The following SEMA6A variants were observed in gnomAD, a reference collection of about 807,000 sequenced individuals.
The protein encoded by SEMA6A is semaphorin 6A.
SEMA6A carries 25 observed loss-of-function variants against 96.8 expected under a neutral mutation model. The observed-to-expected ratio is 0.26, with a 90% CI of 0.19 to 0.36. SEMA6A has a LOEUF of 0.36. Ranked by LOEUF, SEMA6A falls within the 10% of genes least tolerant of loss-of-function variation. The probability of loss-of-function intolerance (pLI) is 1.00; values close to 1 mark genes in which losing one functional copy is unlikely to be tolerated. For synonymous variants in SEMA6A, 612 were observed against 518.0 expected, an observed-to-expected ratio of 1.18 and a Z score of -2.46; for missense variants, 1,363 against 1,323.1, an observed-to-expected ratio of 1.03 and a Z score of -0.47.
intron 18 of SEMA6A, among the ~76,000 whole-genome samples, chr5:116,450,523 A>C (rs1443497735): frequency 1.3e-5 from 2 of 152,182 alleles, no homozygotes; most frequent in African/African-American, 4.8e-5. Context: ...TTAGCTCCCA[A>C]ATATCATTCT....
chr5:116,533,637 G>T, intron 1 of SEMA6A, among the ~76,000 whole-genome samples: 1 of 152,186 alleles, frequency 6.6e-6, no homozygotes, highest in Non-Finnish European at 1.5e-5. Context: ...ATTTAGCAAA[G>T]CTGCTAACTG....
intron 18 of SEMA6A, among the ~76,000 whole-genome samples, chr5:116,448,356 G>T (rs888375350): frequency 1.3e-5 from 2 of 151,808 alleles, no homozygotes; most frequent in African/African-American, 4.8e-5. Flanking sequence ...AAAAAAGAAA[G>T]AAAGAAAAGT....
At chr5:116,554,877 C>G (rs1760551438) in intron 1 of SEMA6A, 1 of 152,278 alleles carries the variant, frequency 6.6e-6, no homozygotes, top group East Asian at 1.9e-4. Flanking sequence ...CAGATACAGC[C>G]CATTCCTGCC....
At chr5:116,555,513 T>G (rs1173064398) in intron 1 of SEMA6A, among the ~76,000 whole-genome samples, 3 of 152,182 alleles carry the variant, frequency 2.0e-5, no homozygotes, top group Non-Finnish European at 4.4e-5. Flanking sequence ...AATAAACTTG[T>G]TTGTATCTAT....
chr5:116,552,791 G>A (rs1376706631), intron 1 of SEMA6A, among the ~76,000 whole-genome samples: 1 of 152,210 alleles, frequency 6.6e-6, no homozygotes, highest in Non-Finnish European at 1.5e-5. Flanking sequence ...CATAAGAGGT[G>A]CCAAAATGTT....
chr5:116,481,069 A>G (rs1198392941), intron 11 of SEMA6A, among the ~76,000 whole-genome samples: 1 of 152,154 alleles, frequency 6.6e-6, no homozygotes, highest in African/African-American at 2.4e-5. Flanking sequence ...AACCACTCCT[A>G]TGTCCACACT....
chr5:116,479,828 T>A (rs889472455), intron 12 of SEMA6A, among the ~76,000 whole-genome samples: 9 of 152,172 alleles, frequency 5.9e-5, no homozygotes, highest in African/African-American at 2.2e-4. Context: ...CCTTCACTGC[T>A]CCTCTATTTT....
In SEMA6A at chr5:116,518,536, G is replaced by A. The variant is rs567353996; in HGVS notation, c.-38-13554C>T. Among the ~76,000 whole-genome samples the A allele has an allele frequency of 5.3e-5, 8 of 152,308 alleles. No homozygotes were observed. In the East Asian group the frequency reaches 1.5e-3, roughly 29 times the overall value. On this transcript the variant is annotated intron_variant, in intron 1 of 18. Transcript: ENST00000343348. ...TATCCAATAAGTTTGAGTGTGACAA[G>A]AAGAAACCAAACTAAAGTGCTGAGG...
chr5:116,482,958 T>C (rs1446720920), intron 10 of SEMA6A, among the ~76,000 whole-genome samples: 1 of 152,204 alleles, frequency 6.6e-6, no homozygotes, highest in African/African-American at 2.4e-5. Context: ...GTCACTAATA[T>C]TGGTGAAAAT....
At chr5:116,532,823 A>G (rs1303295900) in intron 1 of SEMA6A, among the ~76,000 whole-genome samples, 1 of 152,228 alleles carries the variant, frequency 6.6e-6, no homozygotes, top group East Asian at 1.9e-4. Context: ...GTGGACATTA[A>G]TAACATCCCT....
intron 1 of SEMA6A, among the ~76,000 whole-genome samples, chr5:116,571,822 A>T (rs1050956194): frequency 6.6e-6 from 1 of 152,254 alleles, no homozygotes; most frequent in African/African-American, 2.4e-5. Flanking sequence ...ACACAGCATT[A>T]AAAAGTCATA....
At chr5:116,565,500 C>G (rs1157907742) in intron 1 of SEMA6A, among the ~76,000 whole-genome samples, 1 of 152,192 alleles carries the variant, frequency 6.6e-6, no homozygotes, top group Non-Finnish European at 1.5e-5. Context: ...GAATCCGTCT[C>G]GAAAACCATT....
intron 1 of SEMA6A, among the ~76,000 whole-genome samples, chr5:116,513,754 A>G (rs942338613): frequency 3.3e-5 from 5 of 152,026 alleles, no homozygotes; most frequent in African/African-American, 1.2e-4. Context: ...TCCACGAGCT[A>G]TTCTTCCCGA....
intron 1 of SEMA6A, among the ~76,000 whole-genome samples, chr5:116,531,189 T>C (rs1238614626): frequency 6.6e-6 from 1 of 151,720 alleles, no homozygotes; most frequent in East Asian, 1.9e-4. Flanking sequence ...GAGTGTGGGG[T>C]TGGGGGAGGC....
chr5:116,477,571 C>A (rs1207706611), intron 15 of SEMA6A, among the ~76,000 whole-genome samples: 7 of 152,220 alleles, frequency 4.6e-5, no homozygotes, highest in African/African-American at 1.7e-4. Flanking sequence ...CAGGCACCTT[C>A]TTGTCTCTCT....
At chr5:116,454,017 G>T (rs1246025191) in intron 18 of SEMA6A, among the ~76,000 whole-genome samples, 1 of 152,140 alleles carries the variant, frequency 6.6e-6, no homozygotes, top group African/African-American at 2.4e-5. Context: ...AACTCGAAAT[G>T]GTTAAGTGTG....
chr5:116,492,489 G>A (rs112718646), intron 6 of SEMA6A: 3 of 152,264 alleles, frequency 2.0e-5, no homozygotes, highest in African/African-American at 7.2e-5. Context: ...GCAGCTCCTG[G>A]GAAGTTAAAC....
chr5:116,556,765 C>A (rs1232400419), intron 1 of SEMA6A, among the ~76,000 whole-genome samples: 1 of 152,158 alleles, frequency 6.6e-6, no homozygotes, highest in Non-Finnish European at 1.5e-5. Context: ...TCTTCCTGAT[C>A]TGAGTTTCAG....
Position 116,446,291 on chromosome 5 carries a change from T to C in SEMA6A, c.*322A>G. 1 of 215,640 alleles carries C rather than the reference T, an allele frequency of 4.6e-6. No homozygotes were observed. Among genetic ancestry groups the C allele is most frequent in the Non-Finnish European group, 8.8e-6 (1 of 113,924 alleles). The allele number at this position is 215,640 out of a possible 1,614,324, so 13.4% of individuals were successfully genotyped here. A position where few individuals can be genotyped will look rare whatever the true frequency, so the allele number is the denominator to read the frequency against. On this transcript the variant is annotated 3_prime_UTR_variant, in exon 19 of 19. Coordinates refer to ENST00000343348, the MANE Select transcript of SEMA6A (RefSeq NM_020796.5). Reference sequence around the variant, plus strand: ...GTGTGTGTGTGTGTGTGTGTGGGGGTGGGGGATGGGGTAGGTATGTGCTTT... The same window carrying C: ...GTGTGTGTGTGTGTGTGTGTGGGGGCGGGGGATGGGGTAGGTATGTGCTTT...
Sources: gnomAD v4.1 joint callset for allele counts (sites outside exome capture counted in the v4.1 genomes callset) on GRCh38, gnomAD v4.1.1 for gene constraint, MANE v1.5 for transcripts, NCBI Gene and HGNC (gene_info 2026-07-23, HGNC 2026-07-21) for gene names.